Variants in NCALD observed in about 807,000 individuals in gnomAD.
NCALD encodes the protein neurocalcin delta, also known as neurocalcin-delta.
In NCALD, 10 loss-of-function variants were observed where a neutral mutation model predicts 18.6. The ratio of observed to expected loss-of-function variants is 0.54; its 90% confidence interval spans 0.33 to 0.91. The LOEUF is 0.91. Ranked by LOEUF, NCALD falls within the 40% of genes least tolerant of loss-of-function variation. The pLI is 0.03. For synonymous variants in NCALD, 88 were observed against 87.4 expected (o/e 1.01, Z -0.04); for missense variants, 184 against 247.6 (o/e 0.74, Z 1.72).
chr8:102,022,099 C>A (rs557943715), intron 1 of NCALD, among the ~76,000 whole-genome samples: 2 of 152,196 alleles, frequency 1.3e-5, no homozygotes, highest in Non-Finnish European at 2.9e-5. Context: ...AGGGAACCAC[C>A]AAGAGGTGGT....
At chr8:101,751,947 G>C (rs1810678281) in intron 1 of NCALD, among the ~76,000 whole-genome samples, 1 of 152,216 alleles carries the variant, frequency 6.6e-6, no homozygotes, top group South Asian at 2.1e-4. Context: ...AAATTTATCA[G>C]GCATTTCCAG....
intron 1 of NCALD, among the ~76,000 whole-genome samples, chr8:101,762,329 A>G (rs1811147161): frequency 6.6e-6 from 1 of 152,198 alleles, no homozygotes; most frequent in Non-Finnish European, 1.5e-5. Flanking sequence ...TATATGTACT[A>G]TAAAAAGATA....
At chr8:102,042,799 G>A (rs1346850472) in intron 1 of NCALD, among the ~76,000 whole-genome samples, 2 of 150,776 alleles carry the variant, frequency 1.3e-5, no homozygotes, top group African/African-American at 2.5e-5. Context: ...GCAGAAAGCA[G>A]AGGGGGTTGG....
intron 1 of NCALD, among the ~76,000 whole-genome samples, chr8:102,104,743 G>A (rs1825393322): frequency 6.6e-6 from 1 of 152,192 alleles, no homozygotes; most frequent in South Asian, 2.1e-4. Flanking sequence ...TGTCACGGGA[G>A]ACCACACTCC....
intron 1 of NCALD, among the ~76,000 whole-genome samples, chr8:102,092,801 T>C (rs1222419699): frequency 2.0e-5 from 3 of 152,222 alleles, no homozygotes; most frequent in Non-Finnish European, 4.4e-5. Flanking sequence ...CAGCCTTCCT[T>C]AGCTCTACAA....
chr8:101,781,462 G>A (rs1409705139), intron 1 of NCALD, among the ~76,000 whole-genome samples: 1 of 152,160 alleles, frequency 6.6e-6, no homozygotes, highest in East Asian at 1.9e-4. Context: ...ATGGGCAATG[G>A]CCTTGGGGCA....
chr8:101,833,825 G>A (rs1408683909), intron 4 of NCALD, among the ~76,000 whole-genome samples: 1 of 152,280 alleles, frequency 6.6e-6, no homozygotes, highest in Non-Finnish European at 1.5e-5. Flanking sequence ...GAGGATAATT[G>A]TTCCCCTTCT....
rs188713241 is a variant in NCALD at position 101,754,568 on chromosome 8, C to G, written c.-19-34920G>C. On this transcript the variant is annotated intron_variant, in intron 1 of 3. Coordinates refer to ENST00000220931, the MANE Select transcript of NCALD (RefSeq NM_032041.3). ...CTCTGGGGCCTCTTTTATAAGGGCA[C>G]TAATCCCATTCATGACATAATCACT... is the stretch of plus-strand genomic sequence containing the variant. Among the ~76,000 whole-genome samples the G allele has an allele frequency of 1.3e-3, 193 of 152,208 alleles. 2 individuals are homozygous for G. The highest frequency in any genetic ancestry group is 4.5e-3 in the African/African-American group (186 of 41,524).
In NCALD at chr8:101,810,360, C is replaced by G. The variant is rs16868464; in HGVS notation, c.-20+76781G>C. Among the ~76,000 whole-genome samples the G allele has an allele frequency of 5.7e-3, 871 of 152,130 alleles. 11 individuals carry two copies. The highest frequency in any genetic ancestry group is 0.018 in the African/African-American group (766 of 41,508). ...AATGTTCAAATTTAGCAGTGTATCT[C>G]GTACAGTTAGACTGAAAGAGCTACT... is the stretch of plus-strand genomic sequence containing the variant. On this transcript the variant is annotated intron_variant, in intron 4 of 6. Transcript: ENST00000311028.
intron 4 of NCALD, among the ~76,000 whole-genome samples, chr8:101,841,759 C>T (rs908830023): frequency 1.3e-5 from 2 of 152,148 alleles, no homozygotes; most frequent in Non-Finnish European, 2.9e-5. Context: ...TTCCATTCCC[C>T]TTCTCAGATG....
At chr8:101,724,138 A>C (rs2130498551) in intron 1 of NCALD, among the ~76,000 whole-genome samples, 1 of 152,352 alleles carries the variant, frequency 6.6e-6, no homozygotes, top group South Asian at 2.1e-4. Context: ...CTCTGCTCAC[A>C]CTTAACATTC....
intron 4 of NCALD, among the ~76,000 whole-genome samples, chr8:101,855,127 G>C (rs1188991721): frequency 3.3e-5 from 5 of 152,188 alleles, no homozygotes; most frequent in Non-Finnish European, 7.4e-5. Flanking sequence ...ATGAGCAAGT[G>C]TCAGGCAGTC....
At chr8:102,004,562 G>A (rs1381004571) in intron 2 of NCALD, among the ~76,000 whole-genome samples, 7 of 152,128 alleles carry the variant, frequency 4.6e-5, no homozygotes, top group Non-Finnish European at 8.8e-5. Flanking sequence ...AAAAGAGCCC[G>A]CATCGCCAAG....
intron 4 of NCALD, among the ~76,000 whole-genome samples, chr8:101,814,213 C>T (rs1813411259): frequency 6.6e-6 from 1 of 151,944 alleles, no homozygotes; most frequent in African/African-American, 2.4e-5. Context: ...AAACTATGAA[C>T]TAATATCTTT....
chr8:101,906,088 T>G (rs974883899), intron 3 of NCALD, among the ~76,000 whole-genome samples: 2 of 152,188 alleles, frequency 1.3e-5, no homozygotes, highest in African/African-American at 4.8e-5. Context: ...GTCAAGTTCA[T>G]GTAAGTATGT....
At chr8:101,767,956 CG>C (rs1482073805) in intron 1 of NCALD, among the ~76,000 whole-genome samples, 1 of 152,218 alleles carries the variant, frequency 6.6e-6, no homozygotes, top group Non-Finnish European at 1.5e-5. Context: ...ATATGTCAGG[CG>C]TGTGCCAAAA....
At chr8:102,021,250 G>A (rs895455493) in intron 1 of NCALD, among the ~76,000 whole-genome samples, 6 of 152,166 alleles carry the variant, frequency 3.9e-5, no homozygotes, top group African/African-American at 1.4e-4. Context: ...AGAATTAATA[G>A]AGCTATCCTC....
At chr8:102,086,156 T>G (rs1328930077) in intron 1 of NCALD, among the ~76,000 whole-genome samples, 2 of 152,188 alleles carry the variant, frequency 1.3e-5, no homozygotes, top group East Asian at 3.8e-4. Context: ...TCTCATACAG[T>G]CAAGGAAAAC....
chr8:101,967,458 G>T (rs1010390493), intron 2 of NCALD, among the ~76,000 whole-genome samples: 2 of 152,110 alleles, frequency 1.3e-5, no homozygotes, highest in African/African-American at 4.8e-5. Context: ...GTTCGGAAGG[G>T]ACAGGAATCC....
Sources: allele counts gnomAD v4.1 joint callset (sites outside exome capture counted in the v4.1 genomes callset), GRCh38; gene constraint gnomAD v4.1.1; transcripts MANE v1.5; gene names NCBI Gene and HGNC (gene_info 2026-07-23, HGNC 2026-07-21).